The following COG1 variants were observed in gnomAD, a reference collection of about 807,000 sequenced individuals.
COG1 encodes the protein conserved oligomeric Golgi complex subunit 1.
COG1 carries 61 observed loss-of-function variants against 102.2 expected under a neutral mutation model. The observed-to-expected ratio is 0.60, with a 90% CI of 0.49 to 0.74. The LOEUF (loss-of-function observed/expected upper bound fraction) is 0.74. Ranked by LOEUF, COG1 falls within the 30% of genes least tolerant of loss-of-function variation. The pLI, the probability that COG1 is intolerant of heterozygous loss-of-function variation, is 0.00. For synonymous variants in COG1, 454 were observed against 493.6 expected (o/e 0.92, Z 1.06); for missense variants, 1,164 against 1,232.1 (o/e 0.94, Z 0.83).
At chr17:73,197,872 G>A (rs2145094016) in intron 4 of COG1, among the ~76,000 whole-genome samples, 1 of 152,330 alleles carries the variant, frequency 6.6e-6, no homozygotes, top group African/African-American at 2.4e-5. Context: ...TGGAGGTGGG[G>A]CCAGGGGCCA....
Position 73,198,633 on chromosome 17 carries a change from T to TGAGGCGA in COG1, c.914-1232_914-1231insGAGGCGA, listed in dbSNP as rs1321972501. On this transcript the variant is annotated intron_variant, in intron 4 of 13. Coordinates refer to ENST00000299886, the MANE Select transcript of COG1 (RefSeq NM_018714.3). The stretch of plus-strand genomic sequence containing the variant: ...CGTTGCATTGGCGATGGCTGAGGCC[T>TGAGGCGA]TGGAATGGGACTGTGAAGCGGGCAG... Among the ~76,000 whole-genome samples the TGAGGCGA allele has an allele frequency of 5.6e-3, 856 of 152,228 alleles. 11 individuals carry two copies. Among genetic ancestry groups the TGAGGCGA allele is most frequent in the African/African-American group, 0.019 (809 of 41,524 alleles).
chr17:73,196,471 C>T (rs746876632), intron 1 of COG1, 36 bp from the exon 2 acceptor site: 20 of 1,613,742 alleles, frequency 1.2e-5, no homozygotes, highest in East Asian at 2.2e-5. Flanking sequence ...TGCTTTTGTT[C>T]GTTCTTCTGG....
In COG1 at chr17:73,200,734, C is replaced by A; in HGVS notation, c.1239C>A (p.Phe413Leu). The A allele has an allele frequency of 6.2e-7, 1 of 1,610,600 alleles. No individual in the cohort carries two copies. Among genetic ancestry groups the A allele is most frequent in the Non-Finnish European group, 8.5e-7 (1 of 1,178,482 alleles). Residue 413 changes from phenylalanine (F) to leucine (L), a missense_variant, in exon 6 of 14, where the codon TTC becomes TTA. Transcript: ENST00000299886. ...GGCTTCTGGAGAAGCCGCTCTTGTT[C>A]TGGGAAGATATGATGCAGCAACTGT... The part of the protein sequence containing the change: ...CRRLLEKPLL[F>L]WEDMMQQLFL...
chr17:73,207,213 C>T lies in COG1; in HGVS notation c.2762C>T (p.Thr921Ile). 2 of 1,613,546 alleles carry T rather than the reference C, an allele frequency of 1.2e-6. No individual in the cohort carries two copies. Among genetic ancestry groups the T allele is most frequent in the Non-Finnish European group, 1.7e-6 (2 of 1,179,920 alleles). Residue 921 changes from threonine to isoleucine, a missense_variant, in exon 13 of 14, where the codon ACT (threonine) becomes ATT (isoleucine). Coordinates refer to ENST00000299886, the MANE Select transcript of COG1 (RefSeq NM_018714.3). ...FGLLPLSMTS[T>I]RKAKSTRNIE... ...CTTCTCCCACTGAGCATGACAAGCA[C>T]TCGAAAGGCTAAATCAACCAGAAAC...
rs1354052514 is a variant in COG1, at chr17:73,196,963, GGCCGAGGCCCTGT to G, written c.627_639del (p.Glu210LeufsTer2). The G allele has an allele frequency of 6.2e-7, 1 of 1,614,084 alleles. No individual in the cohort carries two copies. Among genetic ancestry groups the G allele is most frequent in the Non-Finnish European group, 8.5e-7 (1 of 1,180,044 alleles). On this transcript the variant is annotated frameshift_variant, in exon 3 of 14. Coordinates refer to ENST00000299886, the MANE Select transcript of COG1 (RefSeq NM_018714.3). LOFTEE classifies it high-confidence loss of function. ...GCCAAGGTGTGTCTGACCAAGCTGT[GGCCGAGGCCCTGT>G]GCTCTATAATGCTCTTAGAAGAGAG...
At chr17:73,198,070 T>C (rs2061332467) in intron 4 of COG1, among the ~76,000 whole-genome samples, 1 of 150,906 alleles carries the variant, frequency 6.6e-6, no homozygotes, top group Non-Finnish European at 1.5e-5. Flanking sequence ...TTAGGTGGAA[T>C]AGATCCCCTT....
chr17:73,197,397 G>T lies in COG1; in HGVS notation c.913+1G>T. The T allele has an allele frequency of 6.2e-7, 1 of 1,614,030 alleles. No individual in the cohort carries two copies. ...ACCATCACAGGCCAGCATCCTGCCG[G>T]TGAGCTCTTAGCCAAGCTTTTTAAA... On this transcript the variant is annotated splice_donor_variant, in intron 4 of 13. Transcript: ENST00000299886. LOFTEE classifies it high-confidence loss of function.
At chr17:73,194,120 C>A (rs2061314362) in intron 1 of COG1, among the ~76,000 whole-genome samples, 1 of 151,998 alleles carries the variant, frequency 6.6e-6, no homozygotes, top group Non-Finnish European at 1.5e-5. Context: ...AACACATCCT[C>A]ATATTGGAGC....
intron 1 of COG1, among the ~76,000 whole-genome samples, chr17:73,195,209 GTCTTCT>G (rs781333860): frequency 2.0e-4 from 31 of 152,142 alleles, no homozygotes; most frequent in Non-Finnish European, 3.2e-4. Flanking sequence ...AAATTTGAGT[GTCTTCT>G]TCGTTCACAT....
chr17:73,202,943 A>C, intron 7 of COG1, 57 bp from the exon 8 acceptor site: 2 of 1,592,062 alleles, frequency 1.3e-6, no homozygotes, highest in Non-Finnish European at 1.7e-6. Flanking sequence ...GATTGTTTTA[A>C]AGAAACTCTA....
At chr17:73,205,431 GCATTAAAAC>G in intron 9 of COG1, 113 bp from the exon 10 acceptor site, 1 of 1,006,250 alleles carries the variant, frequency 9.9e-7, no homozygotes, top group Non-Finnish European at 1.6e-6. Context: ...GGCCATATGA[GCATTAAAAC>G]CATCTGCTTC....
chr17:73,200,982 A>T (rs1305571599), intron 6 of COG1, 127 bp from the exon 7 acceptor site: 2 of 990,106 alleles, frequency 2.0e-6, no homozygotes, highest in Non-Finnish European at 3.1e-6. Flanking sequence ...ATTCTCTGCC[A>T]ACACCATGCC....
intron 13 of COG1, chr17:73,207,858 A>T: frequency 8.2e-7 from 1 of 1,218,146 alleles, no homozygotes; most frequent in East Asian, 5.9e-5. Flanking sequence ...TCCTTTCCGT[A>T]TTCCCTACCA....
intron 13 of COG1, 140 bp downstream of exon 13, chr17:73,207,396 T>C: frequency 7.1e-6 from 6 of 840,692 alleles, no homozygotes; most frequent in Middle Eastern, 2.2e-4. Context: ...GGCGGCGCAA[T>C]AGAGAAGTAC....
In COG1 at chr17:73,194,677, T is replaced by A. The variant is rs1199847189; in HGVS notation, c.315+1293T>A. The stretch of plus-strand genomic sequence containing the variant: ...CGGGGTTTCACCATATTGGCCCGGC[T>A]GGTCTCCAACCCCTGACCTCATGTG... On this transcript the variant is annotated intron_variant, in intron 1 of 13. Transcript: ENST00000299886. 2.0e-5 allele frequency among the ~76,000 whole-genome samples: 3 copies of A among 152,028 alleles called. No homozygotes were observed. In the East Asian group the frequency reaches 5.9e-4, roughly 30 times the overall value.
In COG1 at chr17:73,199,476, G is replaced by A. The variant is rs186870169; in HGVS notation, c.914-389G>A. On this transcript the variant is annotated intron_variant, in intron 4 of 13. Coordinates refer to ENST00000299886, the MANE Select transcript of COG1 (RefSeq NM_018714.3). ...CACACTCCCTGATGGGACCTCACAC[G>A]TGTCCCGTACTTTCTCTTTCCTTGT... 1.9e-3 allele frequency among the ~76,000 whole-genome samples: 284 copies of A among 152,272 alleles called. 1 individual carries two copies. Among genetic ancestry groups the A allele is most frequent in the African/African-American group, 6.6e-3 (273 of 41,560 alleles).
Position 73,203,816 on chromosome 17 carries a change from A to G in COG1, c.2382+23A>G, listed in dbSNP as rs528833628. On this transcript the variant is annotated intron_variant, in intron 9 of 13. Transcript: ENST00000299886. ...AAGGTAGGTGTCTGAATGTTTGCCC[A>G]TTAAAAACACAAATTAAACAAAAGA... 8.7e-6 allele frequency: 14 copies of G among 1,613,946 alleles called. No individual in the cohort carries two copies. In the South Asian group the frequency reaches 1.3e-4, roughly 15 times the overall value.
intron 9 of COG1, 23 bp from the exon 10 acceptor site, chr17:73,205,530 G>T (rs374055942): frequency 6.2e-7 from 1 of 1,613,840 alleles, no homozygotes; most frequent in Non-Finnish European, 8.5e-7. Context: ...CTTCATGGGT[G>T]GGGACTGGGA....
intron 1 of COG1, 136 bp downstream of exon 1, chr17:73,193,520 C>T (rs1455708712): frequency 1.2e-6 from 1 of 825,952 alleles, no homozygotes; most frequent in East Asian, 3.2e-5. Context: ...CCTATCCGCC[C>T]CTCACCCTTT....
Sources: gnomAD v4.1 joint callset for allele counts (sites outside exome capture counted in the v4.1 genomes callset) on GRCh38, gnomAD v4.1.1 for gene constraint, MANE v1.5 for transcripts, NCBI Gene and HGNC (gene_info 2026-07-23, HGNC 2026-07-21) for gene names.